The following HSD17B1 variants were observed in gnomAD, a reference collection of about 807,000 sequenced individuals.
HSD17B1 encodes 17-beta-hydroxysteroid dehydrogenase type 1.
Under a neutral mutation model 22.7 loss-of-function variants are expected in HSD17B1, and 16 were observed. The ratio of observed to expected loss-of-function variants is 0.71; its 90% CI spans 0.48 to 1.07. The LOEUF (loss-of-function observed/expected upper bound fraction) is 1.07, where lower values mean the gene tolerates loss of function less well. Among genes scored for constraint, HSD17B1 ranks in the 50% least tolerant of loss-of-function variants. The pLI is 0.00. For missense variants in HSD17B1, 533 were observed against 459.9 expected (o/e 1.16, Z -1.45); for synonymous variants, 243 against 211.0 (o/e 1.15, Z -1.31).
At position 42,554,360 on chromosome 17, in the gene HSD17B1, T is replaced by C. The variant is rs374408840; in HGVS notation, c.540-45T>C. The stretch of plus-strand genomic sequence containing the variant: ...TGGGGTTGGGGCTGGGACTGGGGCC[T>C]GGCTGGCGTCCGCCCCCTCCCACTC... On this transcript the variant is annotated intron_variant, in intron 4 of 5. Transcript: ENST00000585807. The C allele has an allele frequency of 1.7e-4, 267 of 1,539,018 alleles. No individual in the cohort carries two copies. The African/African-American group carries it at 2.9e-3, about 17-fold the overall frequency.
At position 42,554,601 on chromosome 17, in the gene HSD17B1, T is replaced by C. The variant is rs746209407; in HGVS notation, c.717+19T>C. On this transcript the variant is annotated intron_variant, in intron 5 of 5. Transcript: ENST00000585807. ...GGCGGAGGTGAGCGCCGGGCTGGACTCCAGGAGTGGGGGCGGTGCGTCCTC... is the reference window on the plus strand; with the variant it reads ...GGCGGAGGTGAGCGCCGGGCTGGACCCCAGGAGTGGGGGCGGTGCGTCCTC... 6.2e-7 allele frequency: 1 copy of C among 1,610,718 alleles called. No homozygotes were observed. Among genetic ancestry groups the C allele is most frequent in the Non-Finnish European group, 8.5e-7 (1 of 1,178,378 alleles).
chr17:42,553,710 G>C, intron 3 of HSD17B1, 84 bp from the exon 4 acceptor site: 2 of 1,597,052 alleles, frequency 1.3e-6, no homozygotes, highest in Non-Finnish European at 8.6e-7. Context: ...GTGGAGTGGG[G>C]TGCCGTCAGC....
intron 3 of HSD17B1, 72 bp downstream of exon 3, chr17:42,553,690 C>A (rs1205414399): frequency 2.5e-6 from 4 of 1,592,352 alleles, no homozygotes. Context: ...AGGCAGGTTC[C>A]GCGGGGGGGG....
rs778297809 is a variant in HSD17B1, at chr17:42,554,465, C to G, written c.600C>G (p.Ser200Arg). Reference protein sequence around the residue: ...HTAFMEKVLGSPEEVLDRTDI... With the variant: ...HTAFMEKVLGRPEEVLDRTDI... The stretch of plus-strand genomic sequence containing the variant: ...CCTTCATGGAGAAGGTGTTGGGCAG[C>G]CCAGAGGAGGTGCTGGACCGCACGG... The change falls in exon 5 of 6, where the codon AGC becomes AGG. Residue 200 changes from serine (S) to arginine (R), a missense_variant. By Grantham distance (110) the Ser-to-Arg change is moderately radical. Coordinates refer to ENST00000585807, the MANE Select transcript of HSD17B1 (RefSeq NM_000413.4). 1 of 1,613,502 alleles carries G rather than the reference C, an allele frequency of 6.2e-7. No homozygotes were observed. Among genetic ancestry groups the G allele is most frequent in the Non-Finnish European group, 8.5e-7 (1 of 1,179,758 alleles).
chr17:42,554,233 C>A, intron 4 of HSD17B1, 172 bp from the exon 5 acceptor site: 2 of 927,104 alleles, frequency 2.2e-6, no homozygotes, highest in Non-Finnish European at 3.1e-6. Context: ...CAGGAACCCG[C>A]GTTTCAAATG....
Position 42,553,442 on chromosome 17 carries a change from G to T in HSD17B1, c.269G>T (p.Cys90Phe), listed in dbSNP as rs1405726412. ...GTCGGGCCTCTTGTCTCCGCAGTGT[G>T]TAACGCAGGCCTGGGCCTGCTGGGG... ...VTEGRVDVLV[C>F]NAGLGLLGPL... is the part of the protein sequence containing the mutation. The change falls in exon 3 of 6, where the codon TGT becomes TTT. Residue 90 changes from cysteine (C) to phenylalanine (F), a missense_variant. Physicochemically the swap from Cys to Phe is radical, Grantham distance 205. Transcript: ENST00000585807. 6.2e-7 allele frequency: 1 copy of T among 1,612,464 alleles called. No homozygotes were observed. Among genetic ancestry groups the T allele is most frequent in the South Asian group, 1.1e-5 (1 of 91,072 alleles).
chr17:42,553,724 G>A, intron 3 of HSD17B1, 70 bp from the exon 4 acceptor site: 2 of 1,595,256 alleles, frequency 1.3e-6, no homozygotes, highest in South Asian at 2.2e-5. Flanking sequence ...CGTCAGCTTG[G>A]AGGGGCACCG....
chr17:42,554,488 C>T lies in HSD17B1; in HGVS notation c.623C>T (p.Thr208Met). The T allele has an allele frequency of 2.5e-6, 4 of 1,613,864 alleles. No homozygotes were observed. The highest frequency in any genetic ancestry group is 3.4e-6 in the Non-Finnish European group (4 of 1,179,852). The change falls in exon 5 of 6, where the codon ACG (threonine) becomes ATG (methionine). Residue 208 changes from threonine (T) to methionine (M), a missense_variant. Physicochemically the swap from Thr to Met is moderately conservative, Grantham distance 81 (BLOSUM62 -1). Transcript: ENST00000585807. ...AGCCCAGAGGAGGTGCTGGACCGCA[C>T]GGACATCCACACCTTCCACCGCTTC... ...LGSPEEVLDR[T>M]DIHTFHRFYQ...
At chr17:42,554,218 TC>T in intron 4 of HSD17B1, 186 bp from the exon 5 acceptor site, 1 of 844,704 alleles carries the variant, frequency 1.2e-6, no homozygotes, top group Non-Finnish European at 1.8e-6. Context: ...GGAGGGCTGC[TC>T]CGGCAGGAAC....
chr17:42,554,381 C>T, intron 4 of HSD17B1, 24 bp from the exon 5 acceptor site: 1 of 1,579,674 alleles, frequency 6.3e-7, no homozygotes, highest in Non-Finnish European at 8.6e-7. Context: ...CGCCCCCTCC[C>T]ACTCGTTGCT....
In HSD17B1 at chr17:42,553,525, G is replaced by A. The variant is rs201627479; in HGVS notation, c.352G>A (p.Gly118Arg). 1 of 1,614,016 alleles carries A rather than the reference G, an allele frequency of 6.2e-7. No homozygotes were observed. The highest frequency in any genetic ancestry group is 2.2e-5 in the East Asian group (1 of 44,886). Reference protein sequence around the residue: ...VASVLDVNVVGTVRMLQAFLP... With the variant: ...VASVLDVNVVRTVRMLQAFLP... ...CTCTGTGCTGGACGTGAATGTAGTAGGGACTGTGCGGATGCTGCAGGCCTT... is the reference window on the plus strand; with the variant it reads ...CTCTGTGCTGGACGTGAATGTAGTAAGGACTGTGCGGATGCTGCAGGCCTT... The change falls in exon 3 of 6, where the codon GGG becomes AGG. Residue 118 changes from glycine (G) to arginine (R), a missense_variant. Transcript: ENST00000585807.
rs1453366966 is a variant in HSD17B1 at position 42,554,470 on chromosome 17, A to T, written c.605A>T (p.Glu202Val). Residue 202 changes from glutamate (E) to valine (V), a missense_variant, in exon 5 of 6, where the codon GAG becomes GTG. Coordinates refer to ENST00000585807, the MANE Select transcript of HSD17B1 (RefSeq NM_000413.4). The part of the protein sequence containing the change: ...AFMEKVLGSP[E>V]EVLDRTDIHT... ...ATGGAGAAGGTGTTGGGCAGCCCAGAGGAGGTGCTGGACCGCACGGACATC... is the reference window on the plus strand; with the variant it reads ...ATGGAGAAGGTGTTGGGCAGCCCAGTGGAGGTGCTGGACCGCACGGACATC... 2 of 1,613,554 alleles carry T rather than the reference A, an allele frequency of 1.2e-6. No individual in the cohort carries two copies. The highest frequency in any genetic ancestry group is 1.7e-6 in the Non-Finnish European group (2 of 1,179,842).
In HSD17B1 at chr17:42,554,896, G is replaced by C. The variant is rs2092958339; in HGVS notation, c.945G>C (p.Val315=). 6.6e-7 allele frequency: 1 copy of C among 1,521,478 alleles called. No homozygotes were observed. The highest frequency in any genetic ancestry group is 8.7e-7 in the Non-Finnish European group (1 of 1,143,634). 94.2% of individuals were successfully genotyped at this position (1,521,478 alleles called of 1,614,324 possible). A position where few individuals can be genotyped will look rare whatever the true frequency, so the allele number is the denominator to read the frequency against. Residue 315 remains valine, a synonymous_variant, in exon 6 of 6, where the codon GTG becomes GTC. Transcript: ENST00000585807. ...GAEDEAGRGA[V]GDPELGDPPA... ...AGGACGAGGCCGGGCGCGGTGCGGT[G>C]GGGGACCCTGAGCTCGGCGATCCTC...
rs146159533 is a variant in HSD17B1, at chr17:42,553,842, G to A, written c.494G>A (p.Gly165Asp). 2 of 1,613,434 alleles carry A rather than the reference G, an allele frequency of 1.2e-6. No homozygotes were observed. Among genetic ancestry groups the A allele is most frequent in the African/African-American group, 1.3e-5 (1 of 74,936 alleles). Residue 165 changes from glycine to aspartate, a missense_variant, in exon 4 of 6, where the codon GGC becomes GAC. Transcript: ENST00000585807. ...VYCASKFALE[G>D]LCESLAVLLL... ...TGCGCCAGCAAGTTCGCGCTCGAAGGCTTATGCGAGAGTCTGGCGGTTCTG... is the reference window on the plus strand; with the variant it reads ...TGCGCCAGCAAGTTCGCGCTCGAAGACTTATGCGAGAGTCTGGCGGTTCTG...
chr17:42,555,144 G>A lies in HSD17B1; in HGVS notation c.*206G>A. 1 of 1,084,030 alleles carries A rather than the reference G, an allele frequency of 9.2e-7. No individual in the cohort carries two copies. The highest frequency in any genetic ancestry group is 1.7e-5 in the African/African-American group (1 of 59,952). 67.2% of individuals were successfully genotyped at this position (1,084,030 alleles called of 1,614,324 possible). On this transcript the variant is annotated 3_prime_UTR_variant, in exon 6 of 6. Coordinates refer to ENST00000585807, the MANE Select transcript of HSD17B1 (RefSeq NM_000413.4). ...AGGCAGGAGGATCGCTCAAGCCCCG[G>A]AGTTGGAGACCAGCCAGAGCAACAC... is the stretch of plus-strand genomic sequence containing the variant.
At chr17:42,553,956 C>A in intron 4 of HSD17B1, 69 bp downstream of exon 4, 9 of 1,347,200 alleles carry the variant, frequency 6.7e-6, no homozygotes, top group Non-Finnish European at 8.3e-6. Flanking sequence ...CCCTGTCCTG[C>A]GGGAGCCGCT....
At chr17:42,553,699 G>T (rs959613715) in intron 3 of HSD17B1, 81 bp downstream of exon 3, 4 of 1,594,968 alleles carry the variant, frequency 2.5e-6, no homozygotes, top group East Asian at 4.5e-5. Context: ...CCGCGGGGGG[G>T]GTGGAGTGGG....
chr17:42,554,451 A>G lies in HSD17B1; in HGVS notation c.586A>G (p.Lys196Glu), dbSNP rs1464650149. The change falls in exon 5 of 6, where the codon AAG (lysine) becomes GAG (glutamate). Residue 196 changes from lysine (K) to glutamate (E), a missense_variant. Lys to Glu is a moderately conservative substitution (Grantham distance 56). Transcript: ENST00000585807. The part of the protein sequence containing the change: ...CGPVHTAFME[K>E]VLGSPEEVLD... ...CCCAGTGCACACCGCCTTCATGGAG[A>G]AGGTGTTGGGCAGCCCAGAGGAGGT... The G allele has an allele frequency of 6.2e-7, 1 of 1,613,082 alleles. No homozygotes were observed. Among genetic ancestry groups the G allele is most frequent in the Admixed American group, 1.7e-5 (1 of 59,858 alleles).
chr17:42,554,091 T>G, intron 4 of HSD17B1: 1 of 648,204 alleles, frequency 1.5e-6, no homozygotes. Context: ...GGTATTGTTA[T>G]GGGGAAGCTC....
Sources: gnomAD v4.1 joint callset for allele counts on GRCh38, gnomAD v4.1.1 for gene constraint, MANE v1.5 for transcripts, NCBI Gene and HGNC (gene_info 2026-07-23, HGNC 2026-07-21) for gene names.